Variants in PPP4R4 observed in about 807,000 individuals in gnomAD.
The protein encoded by PPP4R4 is protein phosphatase 4 regulatory subunit 4.
In PPP4R4, 70 loss-of-function variants were observed where a neutral mutation model predicts 121.8. The observed-to-expected ratio is 0.57, with a 90% CI of 0.47 to 0.70. PPP4R4 has a LOEUF of 0.70. PPP4R4 is among the 30% of genes least tolerant of loss of function. The pLI is 0.00. For missense variants in PPP4R4, 875 were observed against 1,033.6 expected (o/e 0.85, Z 2.10); for synonymous variants, 348 against 355.7 (o/e 0.98, Z 0.24).
intron 3 of PPP4R4, among the ~76,000 whole-genome samples, chr14:94,219,062 TTTTTTTTCTTTTCTTTTC>T: frequency 6.8e-6 from 1 of 146,992 alleles, no homozygotes; most frequent in South Asian, 2.2e-4. Context: ...AAAATCTTTT[TTTTTTTTCTTTTCTTTTC>T]TTTTTTTTTT....
At chr14:94,175,489 G>C (rs1235340008) in intron 1 of PPP4R4, 1 of 152,850 alleles carries the variant, frequency 6.5e-6, no homozygotes, top group African/African-American at 2.4e-5. Flanking sequence ...TTACGGACCG[G>C]ACCCCTTTCC....
chr14:94,229,857 C>A (rs1170200229), intron 3 of PPP4R4, among the ~76,000 whole-genome samples: 1 of 151,932 alleles, frequency 6.6e-6, no homozygotes, highest in Non-Finnish European at 1.5e-5. Flanking sequence ...CTCTCTCTAT[C>A]TCTCTCTCTC....
chr14:94,189,352 A>G (rs543311212), intron 2 of PPP4R4, among the ~76,000 whole-genome samples: 1 of 152,344 alleles, frequency 6.6e-6, no homozygotes, highest in Admixed American at 6.5e-5. Flanking sequence ...CCTTATTATT[A>G]GAGAACAGAA....
intron 2 of PPP4R4, among the ~76,000 whole-genome samples, chr14:94,201,458 T>C (rs1372464749): frequency 6.6e-6 from 1 of 152,202 alleles, no homozygotes; most frequent in Admixed American, 6.5e-5. Context: ...TGCTGCTGTC[T>C]TAGGTCTAGT....
At position 94,249,519 on chromosome 14, in the gene PPP4R4, G is replaced by A. The variant is rs533128437; in HGVS notation, c.1612-653G>A. ...CATGAATTTATACTGGACACAATAC[G>A]TCTGGTTGAGAGATTTTTCTCTAAT... On this transcript the variant is annotated intron_variant, in intron 14 of 24. Coordinates refer to ENST00000304338, the MANE Select transcript of PPP4R4 (RefSeq NM_058237.2). 5.3e-5 allele frequency among the ~76,000 whole-genome samples: 8 copies of A among 152,066 alleles called. No homozygotes were observed. The East Asian group carries it at 7.7e-4, about 15-fold the overall frequency.
intron 3 of PPP4R4, among the ~76,000 whole-genome samples, chr14:94,217,855 G>A (rs1369835391): frequency 3.9e-5 from 6 of 152,144 alleles, no homozygotes; most frequent in Non-Finnish European, 5.9e-5. Context: ...TTAGCCAGGC[G>A]TGGTGGCACA....
rs751995424 is a variant in PPP4R4 at position 94,234,609 on chromosome 14, T to G, written c.671T>G (p.Val224Gly). 5.0e-6 allele frequency: 8 copies of G among 1,609,950 alleles called. No individual in the cohort carries two copies. In the Admixed American group the frequency reaches 1.3e-4, roughly 27 times the overall value. The part of the protein sequence containing the change: ...LPLVKSLCQD[V>G]EYEVRSCMCR... ...CTGGTAAAATCACTCTGTCAAGATG[T>G]AGAATATGAAGTTCGATCTTGTATG... The change falls in exon 7 of 25, where the codon GTA (valine) becomes GGA (glycine). Residue 224 changes from valine to glycine, a missense_variant. By Grantham distance (109) the Val-to-Gly change is moderately radical. Transcript: ENST00000304338.
In PPP4R4 at chr14:94,278,730, TGTTTTTAAATTTTGG is replaced by T; in HGVS notation, c.*94_*108del. ...AAAGCTAAAGCAGTGGCTGGGGCTT[TGTTTTTAAATTTTGG>T]GTTTTTTTTTTTGTTGTTGTTAATG... On this transcript the variant is annotated 3_prime_UTR_variant, in exon 25 of 25. Transcript: ENST00000304338. 6 of 1,326,970 alleles carry T rather than the reference TGTTTTTAAATTTTGG, an allele frequency of 4.5e-6. No individual in the cohort carries two copies. Among genetic ancestry groups the T allele is most frequent in the Non-Finnish European group, 5.0e-6 (5 of 1,006,594 alleles). 82.2% of individuals were successfully genotyped at this position (1,326,970 alleles called of 1,614,324 possible).
At chr14:94,271,001 C>G (rs1237983679) in intron 23 of PPP4R4, among the ~76,000 whole-genome samples, 1 of 151,834 alleles carries the variant, frequency 6.6e-6, no homozygotes, top group Non-Finnish European at 1.5e-5. Context: ...TGAATAGGCT[C>G]ATATCTATTA....
At chr14:94,218,767 C>T (rs888127891) in intron 3 of PPP4R4, among the ~76,000 whole-genome samples, 2 of 149,948 alleles carry the variant, frequency 1.3e-5, no homozygotes, top group African/African-American at 5.1e-5. Context: ...CACACCCTCA[C>T]CCCTAGATAC....
In PPP4R4 at chr14:94,208,470, T is replaced by A; in HGVS notation, c.198T>A (p.Gly66=). The part of the protein sequence containing the change: ...IERAVYLLSA[G]QDVQGTSVIA... ...TTTGTGTTTTCTTTGTAAGTGCTGG[T>A]CAAGATGTCCAAGGAACAAGTGTGA... Residue 66 remains glycine (G), a synonymous_variant, in exon 3 of 25, where the codon GGT becomes GGA. Transcript: ENST00000304338. The A allele has an allele frequency of 6.2e-7, 1 of 1,606,126 alleles. No homozygotes were observed.
chr14:94,191,767 T>C (rs1313459457), intron 2 of PPP4R4, among the ~76,000 whole-genome samples: 1 of 152,216 alleles, frequency 6.6e-6, no homozygotes, highest in African/African-American at 2.4e-5. Flanking sequence ...TAGTGGACTT[T>C]ATTAGTAAAA....
At chr14:94,247,605 A>G (rs1033380991) in intron 14 of PPP4R4, among the ~76,000 whole-genome samples, 2 of 152,214 alleles carry the variant, frequency 1.3e-5, no homozygotes, top group African/African-American at 4.8e-5. Context: ...TGGAAAAGAC[A>G]CAAGAAAAGA....
chr14:94,254,385 C>T (rs1420575799), intron 16 of PPP4R4, among the ~76,000 whole-genome samples: 1 of 152,138 alleles, frequency 6.6e-6, no homozygotes, highest in African/African-American at 2.4e-5. Flanking sequence ...CCACAGCTGC[C>T]AGAAATGAAA....
chr14:94,186,252 T>C (rs1432423681), intron 2 of PPP4R4, among the ~76,000 whole-genome samples: 10 of 152,186 alleles, frequency 6.6e-5, no homozygotes, highest in African/African-American at 2.4e-4. Flanking sequence ...TTAGATTATC[T>C]CTCTCTCCCT....
At chr14:94,191,865 C>G (rs1351664570) in intron 2 of PPP4R4, among the ~76,000 whole-genome samples, 1 of 152,072 alleles carries the variant, frequency 6.6e-6, no homozygotes, top group Non-Finnish European at 1.5e-5. Flanking sequence ...TCATTTCAGC[C>G]AGTTCTTATG....
intron 18 of PPP4R4, among the ~76,000 whole-genome samples, chr14:94,259,087 T>C (rs2139623381): frequency 6.6e-6 from 1 of 152,208 alleles, no homozygotes; most frequent in East Asian, 1.9e-4. Flanking sequence ...TTCACTATCA[T>C]GAGAAGAGCA....
At chr14:94,193,821 TG>T (rs1271574107) in intron 2 of PPP4R4, among the ~76,000 whole-genome samples, 4 of 152,212 alleles carry the variant, frequency 2.6e-5, no homozygotes. Flanking sequence ...ACAAAAGGAA[TG>T]GGTTGCTGAT....
intron 11 of PPP4R4, among the ~76,000 whole-genome samples, chr14:94,243,173 A>C (rs1461935322): frequency 6.6e-6 from 1 of 152,138 alleles, no homozygotes. Context: ...AATGTTGCTT[A>C]GATTTTTTTT....
Sources: allele counts gnomAD v4.1 joint callset (sites outside exome capture counted in the v4.1 genomes callset), GRCh38; gene constraint gnomAD v4.1.1; transcripts MANE v1.5; gene names NCBI Gene and HGNC (gene_info 2026-07-23, HGNC 2026-07-21).